Variants in CDC42SE2 observed in about 807,000 individuals in gnomAD.
CDC42SE2 encodes CDC42 small effector 2.
In CDC42SE2, 3 loss-of-function variants were observed where a neutral mutation model predicts 11.5. That is an observed-to-expected ratio of 0.26 (90% CI 0.12 to 0.67). The LOEUF (loss-of-function observed/expected upper bound fraction) is 0.67. CDC42SE2 is among the 30% of genes least tolerant of loss of function. CDC42SE2 has a pLI of 0.80. For synonymous variants in CDC42SE2, 33 were observed against 34.8 expected (o/e 0.95, Z 0.18); for missense variants, 82 against 106.8 (o/e 0.77, Z 1.02).
In CDC42SE2 at chr5:131,392,167, A is replaced by G. The variant is rs886718088; in HGVS notation, c.*1076A>G. The G allele has an allele frequency of 5.3e-5, 8 of 152,046 alleles. No homozygotes were observed. The highest frequency in any genetic ancestry group is 1.9e-4 in the African/African-American group (8 of 41,178). The allele number at this position is 152,046 out of a possible 1,614,324, so 9.4% of individuals were successfully genotyped here. On this transcript the variant is annotated 3_prime_UTR_variant, in exon 5 of 5. Coordinates refer to ENST00000505065, the MANE Select transcript of CDC42SE2 (RefSeq NM_001375635.1). ...GCAGTTTTTTTTTTCTATTTTAAAC[A>G]TTTTTCTTTTCACTGCCGACCCCCT...
intron 2 of CDC42SE2, among the ~76,000 whole-genome samples, chr5:131,344,875 A>C (rs1021914347): frequency 1.3e-5 from 2 of 152,208 alleles, no homozygotes; most frequent in African/African-American, 2.4e-5. Context: ...TGCTGGTGAT[A>C]ACCAGGCAAA....
intron 1 of CDC42SE2, among the ~76,000 whole-genome samples, chr5:131,303,043 G>C (rs1757715494): frequency 6.6e-6 from 1 of 152,086 alleles, no homozygotes; most frequent in Admixed American, 6.6e-5. Flanking sequence ...GTCGCCACTG[G>C]CTACATTATT....
the CDC42SE2 span, among the ~76,000 whole-genome samples, chr5:131,216,501 C>CAAAAAAAAAAAAAAAAAAAAAAAA: frequency 1.4e-4 from 6 of 42,172 alleles, no homozygotes; most frequent in African/African-American, 6.2e-4. Flanking sequence ...GAACCTGTCT[C>CAAAAAAAAAAAAAAAAAAAAAAAA]AAAAAAAAAA....
chr5:131,292,062 T>G (rs1238943161), intron 1 of CDC42SE2, among the ~76,000 whole-genome samples: 2 of 151,258 alleles, frequency 1.3e-5, no homozygotes, highest in Non-Finnish European at 2.9e-5. Context: ...GCTAACATGG[T>G]GAAACCCCAT....
At chr5:131,290,115 A>G (rs1288669899) in intron 1 of CDC42SE2, among the ~76,000 whole-genome samples, 4 of 152,090 alleles carry the variant, frequency 2.6e-5, no homozygotes, top group South Asian at 2.1e-4. Flanking sequence ...CCAAAGTGCT[A>G]CGATTATAGG....
intron 1 of CDC42SE2, chr5:131,254,998 T>C (rs1440996149): frequency 6.6e-6 from 1 of 152,126 alleles, no homozygotes; most frequent in Non-Finnish European, 1.5e-5. Flanking sequence ...AAAAAAAAAA[T>C]CTTCTAAGTT....
At chr5:131,337,892 GA>G (rs1758613733) in intron 2 of CDC42SE2, among the ~76,000 whole-genome samples, 1 of 152,204 alleles carries the variant, frequency 6.6e-6, no homozygotes, top group South Asian at 2.1e-4. Flanking sequence ...CTAGGAAAGG[GA>G]ATTCCCTGAC....
At chr5:131,335,514 G>C (rs1046692433) in intron 2 of CDC42SE2, among the ~76,000 whole-genome samples, 1 of 152,112 alleles carries the variant, frequency 6.6e-6, no homozygotes, top group Non-Finnish European at 1.5e-5. Context: ...TCAATTCCTG[G>C]ATATCCTTGT....
At chr5:131,326,914 A>T (rs985750146) in intron 2 of CDC42SE2, among the ~76,000 whole-genome samples, 1 of 152,086 alleles carries the variant, frequency 6.6e-6, no homozygotes, top group Non-Finnish European at 1.5e-5. Flanking sequence ...GGCCTGCCTT[A>T]AATTTTATTA....
In CDC42SE2 at chr5:131,268,023, A is replaced by T. The variant is rs958302626; in HGVS notation, c.-455+3857A>T. Among the ~76,000 whole-genome samples the T allele has an allele frequency of 2.7e-5, 4 of 149,900 alleles. 1 individual carries two copies. Among genetic ancestry groups the T allele is most frequent in the Non-Finnish European group, 5.9e-5 (4 of 67,636 alleles). ...AGTTTTCCTGTGTCGTCTTGAGAGG[A>T]ACTTGAGAGAAGTACATGTACATGC... On this transcript the variant is annotated intron_variant, in intron 1 of 4. Coordinates refer to ENST00000505065, the MANE Select transcript of CDC42SE2 (RefSeq NM_001375635.1).
chr5:131,360,182 G>A (rs751632063), intron 3 of CDC42SE2, among the ~76,000 whole-genome samples: 2 of 152,142 alleles, frequency 1.3e-5, no homozygotes, highest in African/African-American at 2.4e-5. Flanking sequence ...GTGCAATGGC[G>A]TGATCTCGGC....
intron 3 of CDC42SE2, among the ~76,000 whole-genome samples, chr5:131,374,342 C>A (rs1281507446): frequency 2.0e-5 from 3 of 151,968 alleles, no homozygotes; most frequent in Non-Finnish European, 2.9e-5. Context: ...GAGTTCAAGA[C>A]CAGCCTGGCC....
chr5:131,317,865 C>CTTTTT (rs11408968), intron 2 of CDC42SE2, among the ~76,000 whole-genome samples: 1 of 148,902 alleles, frequency 6.7e-6, no homozygotes. Context: ...GAAGAATTCA[C>CTTTTT]TTTTTTTTTT....
At chr5:131,236,113 A>G in the CDC42SE2 span, among the ~76,000 whole-genome samples, 2 of 151,868 alleles carry the variant, frequency 1.3e-5, no homozygotes, top group African/African-American at 4.8e-5. Context: ...TGTGTTTATC[A>G]TATTAATTGC....
exon 1 of CDC42SE2, chr5:131,245,517 C>T (rs1756573848): frequency 6.6e-6 from 1 of 152,170 alleles, no homozygotes; most frequent in Non-Finnish European, 1.5e-5. Context: ...ACTGCTGTCC[C>T]CTGGTCTAGT....
intron 1 of CDC42SE2, among the ~76,000 whole-genome samples, chr5:131,306,251 T>G (rs1757775199): frequency 6.6e-6 from 1 of 152,160 alleles, no homozygotes. Context: ...AGCTGTCTAG[T>G]TTATCAGATT....
At chr5:131,230,574 C>T in the CDC42SE2 span, among the ~76,000 whole-genome samples, 1 of 152,180 alleles carries the variant, frequency 6.6e-6, no homozygotes, top group South Asian at 2.1e-4. Context: ...CTCCCTTTGC[C>T]ACCTTTTAAA....
chr5:131,226,096 G>A, the CDC42SE2 span, among the ~76,000 whole-genome samples: 1 of 152,156 alleles, frequency 6.6e-6, no homozygotes, highest in African/African-American at 2.4e-5. Flanking sequence ...GGATCAACTG[G>A]CCCTGTTTAA....
the CDC42SE2 span, among the ~76,000 whole-genome samples, chr5:131,222,392 A>G: frequency 6.6e-6 from 1 of 152,176 alleles, no homozygotes; most frequent in Non-Finnish European, 1.5e-5. Flanking sequence ...CAGTTTCCTC[A>G]TCTATAAAGG....
Sources: gnomAD v4.1 joint callset for allele counts (sites outside exome capture counted in the v4.1 genomes callset) on GRCh38, gnomAD v4.1.1 for gene constraint, MANE v1.5 for transcripts, NCBI Gene and HGNC (gene_info 2026-07-23, HGNC 2026-07-21) for gene names.